The following HIF3A variants were observed in gnomAD, a reference collection of about 807,000 sequenced individuals.
HIF3A encodes hypoxia-inducible factor 3-alpha.
A neutral mutation model predicts 67.2 loss-of-function variants in HIF3A; 41 were observed. The ratio of observed to expected loss-of-function variants is 0.61; its 90% CI spans 0.48 to 0.79. The LOEUF (loss-of-function observed/expected upper bound fraction) is 0.79, where lower values mean the gene tolerates loss of function less well. Among genes scored for constraint, HIF3A ranks in the 30% least tolerant of loss-of-function variants. The pLI is 0.00. For synonymous variants in HIF3A, 356 were observed against 374.8 expected, an observed-to-expected ratio of 0.95 and a Z score of 0.58; for missense variants, 855 against 898.0, an observed-to-expected ratio of 0.95 and a Z score of 0.61.
chr19:46,304,011 T>C lies in HIF3A; in HGVS notation c.140T>C (p.Val47Ala). 1 of 1,594,558 alleles carries C rather than the reference T, an allele frequency of 6.3e-7. No homozygotes were observed. Among genetic ancestry groups the C allele is most frequent in the Non-Finnish European group, 8.5e-7 (1 of 1,171,342 alleles). ...LAHTLPFARG[V>A]SAHLDKASIM... ...CACACGCTGCCCTTCGCCCGCGGCG[T>C]CAGCGCCCACCTGGACAAGGCCTCT... Residue 47 changes from valine to alanine, a missense_variant, in exon 2 of 15, where the codon GTC becomes GCC. Transcript: ENST00000377670.
chr19:46,335,722 C>T (rs971022315), intron 14 of HIF3A, among the ~76,000 whole-genome samples: 2 of 152,032 alleles, frequency 1.3e-5, no homozygotes, highest in East Asian at 1.9e-4. Context: ...GGCAACACAG[C>T]GAGACCCTGT....
intron 9 of HIF3A, among the ~76,000 whole-genome samples, chr19:46,321,012 T>C (rs1242343123): frequency 5.3e-5 from 8 of 152,298 alleles, no homozygotes; most frequent in African/African-American, 1.9e-4. Context: ...CCTCCCAGTC[T>C]ATCCTTCAAG....
chr19:46,330,160 T>G (rs1971092089), intron 12 of HIF3A, among the ~76,000 whole-genome samples: 1 of 152,060 alleles, frequency 6.6e-6, no homozygotes, highest in Non-Finnish European at 1.5e-5. Flanking sequence ...TGGATACATC[T>G]TGGTATCTCC....
intron 8 of HIF3A, chr19:46,320,227 C>T: frequency 2.0e-6 from 1 of 502,980 alleles, no homozygotes; most frequent in Non-Finnish European, 3.5e-6. Context: ...GAGACCTTGT[C>T]TTAAAAAAAT....
At chr19:46,318,115 C>T (rs1426213570) in intron 8 of HIF3A, among the ~76,000 whole-genome samples, 1 of 152,092 alleles carries the variant, frequency 6.6e-6, no homozygotes, top group Non-Finnish European at 1.5e-5. Flanking sequence ...GGATTACAGG[C>T]GTGAGCCACT....
At chr19:46,337,932 C>T (rs752378386) in intron 14 of HIF3A, among the ~76,000 whole-genome samples, 1 of 152,180 alleles carries the variant, frequency 6.6e-6, no homozygotes, top group Non-Finnish European at 1.5e-5. Flanking sequence ...CTGTCTGGGT[C>T]CCTGCTGTTC....
intron 1 of HIF3A, 64 bp from the exon 2 acceptor site, chr19:46,303,834 G>T: frequency 2.6e-6 from 4 of 1,552,902 alleles, no homozygotes; most frequent in Non-Finnish European, 3.5e-6. Flanking sequence ...CTCCCCACGT[G>T]CTCGTCCCGT....
At chr19:46,307,999 CAGATAGATAGAT>C (rs879144909) in intron 3 of HIF3A, among the ~76,000 whole-genome samples, 2 of 49,304 alleles carry the variant, frequency 4.1e-5, no homozygotes, top group African/African-American at 7.0e-5. Flanking sequence ...GACAGACAGA[CAGATAGATAGAT>C]AGATAGATGA....
chr19:46,304,555 TTAG>T (rs755687923), intron 2 of HIF3A, among the ~76,000 whole-genome samples: 1 of 152,080 alleles, frequency 6.6e-6, no homozygotes, highest in African/African-American at 2.4e-5. Context: ...ACTTGTTCTC[TTAG>T]TAGGCATCTC....
chr19:46,304,883 C>T, intron 2 of HIF3A, among the ~76,000 whole-genome samples: 1 of 152,048 alleles, frequency 6.6e-6, no homozygotes, highest in East Asian at 1.9e-4. Context: ...TCCCCCTCAT[C>T]TCTATATTAC....
chr19:46,339,090 G>A (rs1438210971), intron 14 of HIF3A, among the ~76,000 whole-genome samples: 2 of 151,786 alleles, frequency 1.3e-5, no homozygotes, highest in African/African-American at 4.8e-5. Flanking sequence ...AATACCAGGC[G>A]TTATCAATAC....
At chr19:46,313,092 A>G (rs1442665617) in intron 8 of HIF3A, 1 of 703,286 alleles carries the variant, frequency 1.4e-6, no homozygotes, top group South Asian at 6.4e-5. Flanking sequence ...TCTACTAATA[A>G]TACCAAAAAT....
At chr19:46,314,566 A>T (rs1390298956) in intron 8 of HIF3A, among the ~76,000 whole-genome samples, 1 of 145,902 alleles carries the variant, frequency 6.9e-6, no homozygotes, top group African/African-American at 2.5e-5. Flanking sequence ...TTATTTATTT[A>T]TTTTTTTTGA....
chr19:46,304,216 T>A (rs1285017647), intron 2 of HIF3A, 128 bp downstream of exon 2: 3 of 794,130 alleles, frequency 3.8e-6, no homozygotes, highest in Admixed American at 5.4e-5. Flanking sequence ...TGTCGTTTTT[T>A]TCGGCGGAGC....
rs370631607 is a variant in HIF3A, at chr19:46,305,351, C to T, written c.324C>T (p.Tyr108=). The T allele has an allele frequency of 6.2e-7, 1 of 1,613,978 alleles. No individual in the cohort carries two copies. Among genetic ancestry groups the T allele is most frequent in the African/African-American group, 1.3e-5 (1 of 74,904 alleles). Residue 108 remains tyrosine (Y), a synonymous_variant, in exon 3 of 15, where the codon TAC becomes TAT. Transcript: ENST00000377670. ...MVLTAEGDMA[Y]LSENVSKHLG... Reference sequence around the variant, plus strand: ...TCACCGCCGAGGGAGACATGGCTTACCTGTCGGAGAATGTCAGCAAACACC... The same window carrying T: ...TCACCGCCGAGGGAGACATGGCTTATCTGTCGGAGAATGTCAGCAAACACC...
At chr19:46,302,828 C>T (rs533876445) in intron 1 of HIF3A, among the ~76,000 whole-genome samples, 3 of 152,052 alleles carry the variant, frequency 2.0e-5, no homozygotes, top group Non-Finnish European at 4.4e-5. Flanking sequence ...GAGCCATATT[C>T]ATGCCATTGC....
At chr19:46,331,359 G>T in intron 13 of HIF3A, 86 bp downstream of exon 13, 1 of 1,070,074 alleles carries the variant, frequency 9.3e-7, no homozygotes. Context: ...AACCAGAGAG[G>T]GGCAGGGGCT....
At chr19:46,334,771 G>C (rs1159955553) in intron 13 of HIF3A, 134 bp from the exon 14 acceptor site, 3 of 618,306 alleles carry the variant, frequency 4.9e-6, no homozygotes, top group Non-Finnish European at 8.2e-6. Flanking sequence ...GGTCTCAAAC[G>C]TTTGGGCTTA....
intron 3 of HIF3A, among the ~76,000 whole-genome samples, chr19:46,307,679 T>G: frequency 2.1e-5 from 3 of 143,788 alleles, no homozygotes; most frequent in African/African-American, 5.2e-5. Flanking sequence ...ACCAGGGAGG[T>G]GGAGGTTGCA....
Sources: allele counts gnomAD v4.1 joint callset (sites outside exome capture counted in the v4.1 genomes callset), GRCh38; gene constraint gnomAD v4.1.1; transcripts MANE v1.5; gene names NCBI Gene and HGNC (gene_info 2026-07-23, HGNC 2026-07-21).